Variants in WWOX observed in about 807,000 individuals in gnomAD.
The protein encoded by WWOX is WW domain-containing oxidoreductase.
WWOX carries 69 observed loss-of-function variants against 46.2 expected under a neutral mutation model. The ratio of observed to expected loss-of-function variants is 1.49; its 90% CI spans 1.23 to 1.82. WWOX has a LOEUF of 1.82. WWOX is among the 40% of genes most tolerant of loss of function. The pLI is 0.00. For synonymous variants in WWOX, 359 were observed against 202.6 expected (o/e 1.77, Z -6.56); for missense variants, 919 against 542.6 (o/e 1.69, Z -6.89).
intron 5 of WWOX, among the ~76,000 whole-genome samples, chr16:78,229,502 A>ATC (rs1341678875): frequency 9.4e-5 from 10 of 105,920 alleles, no homozygotes; most frequent in African/African-American, 2.9e-4. Context: ...ATATTTATCT[A>ATC]TATCTATATA....
At chr16:78,455,809 C>A in intron 8 of WWOX, among the ~76,000 whole-genome samples, 1 of 149,078 alleles carries the variant, frequency 6.7e-6, no homozygotes, top group East Asian at 2.0e-4. Flanking sequence ...AAAAAAAAGG[C>A]CACCAAGGAC....
intron 5 of WWOX, among the ~76,000 whole-genome samples, chr16:78,273,139 C>G (rs769566259): frequency 2.6e-5 from 4 of 152,168 alleles, no homozygotes; most frequent in Non-Finnish European, 5.9e-5. Flanking sequence ...CCTCCCAAAT[C>G]CTTCTCAAGT....
At chr16:78,803,825 A>T (rs1023355047) in intron 8 of WWOX, among the ~76,000 whole-genome samples, 28 of 152,122 alleles carry the variant, frequency 1.8e-4, no homozygotes, top group Non-Finnish European at 1.2e-4. Context: ...AGGAATTTTA[A>T]AAGAATTGAA....
At chr16:78,542,572 C>G (rs1015198010) in intron 8 of WWOX, among the ~76,000 whole-genome samples, 1 of 152,080 alleles carries the variant, frequency 6.6e-6, no homozygotes, top group Admixed American at 6.6e-5. Context: ...TGACCGTGTT[C>G]GCTGGAATTG....
intron 8 of WWOX, among the ~76,000 whole-genome samples, chr16:79,089,306 G>A (rs567727888): frequency 1.9e-4 from 28 of 149,628 alleles, no homozygotes; most frequent in Admixed American, 7.4e-4. Flanking sequence ...ATAAATTAGC[G>A]TCATCATGAA....
intron 8 of WWOX, among the ~76,000 whole-genome samples, chr16:78,628,231 A>T (rs368908622): frequency 2.0e-5 from 3 of 152,200 alleles, no homozygotes; most frequent in Non-Finnish European, 4.4e-5. Context: ...GGTTTGGCCA[A>T]CTAAGGAGTA....
At chr16:78,947,880 A>G (rs989288707) in intron 8 of WWOX, among the ~76,000 whole-genome samples, 3 of 152,244 alleles carry the variant, frequency 2.0e-5, no homozygotes, top group African/African-American at 7.2e-5. Context: ...TCCTTCCAAC[A>G]GGTTCAGGTT....
intron 5 of WWOX, among the ~76,000 whole-genome samples, chr16:78,184,197 C>G (rs921691254): frequency 1.3e-5 from 2 of 152,056 alleles, no homozygotes; most frequent in African/African-American, 4.8e-5. Context: ...AAAGCAGGAA[C>G]TGTCAGGGTC....
At position 79,068,650 on chromosome 16, in the gene WWOX, C is replaced by CA. The variant is rs944154860; in HGVS notation, c.1057-142947dup. ...CCCCCATCTCTACAAACAACAACAACAAAAAAAAAAATTAGCCAGGCGTGG... is the reference window on the plus strand; with the variant it reads ...CCCCCATCTCTACAAACAACAACAACAAAAAAAAAAAATTAGCCAGGCGTGG... On this transcript the variant is annotated intron_variant, in intron 8 of 8. Transcript: ENST00000566780. Among the ~76,000 whole-genome samples, 192 of 147,916 alleles carry CA rather than the reference C, an allele frequency of 1.3e-3. 1 individual carries two copies. The highest frequency in any genetic ancestry group is 3.5e-3 in the Middle Eastern group (1 of 284).
intron 8 of WWOX, among the ~76,000 whole-genome samples, chr16:78,663,781 G>A (rs576650591): frequency 6.6e-6 from 1 of 152,312 alleles, no homozygotes; most frequent in South Asian, 2.1e-4. Flanking sequence ...CACCCTGAAT[G>A]AAGAGAGCCA....
At chr16:78,328,960 G>A (rs1037597069) in intron 5 of WWOX, among the ~76,000 whole-genome samples, 1 of 151,916 alleles carries the variant, frequency 6.6e-6, no homozygotes, top group African/African-American at 2.4e-5. Flanking sequence ...CCCCTGGGTT[G>A]AAGCGATTCT....
intron 6 of WWOX, among the ~76,000 whole-genome samples, chr16:78,390,155 G>C (rs920734260): frequency 2.6e-5 from 4 of 152,200 alleles, no homozygotes; most frequent in South Asian, 2.1e-4. Context: ...TCTGCCTCTT[G>C]TTCTTTTCCT....
At chr16:78,961,097 G>A (rs2046262516) in intron 8 of WWOX, among the ~76,000 whole-genome samples, 1 of 152,118 alleles carries the variant, frequency 6.6e-6, no homozygotes, top group South Asian at 2.1e-4. Flanking sequence ...AGCTCATGGT[G>A]CAAGTTCCCC....
At chr16:79,110,140 C>T (rs906039879) in intron 8 of WWOX, among the ~76,000 whole-genome samples, 5 of 152,210 alleles carry the variant, frequency 3.3e-5, no homozygotes, top group Admixed American at 6.5e-5. Flanking sequence ...ACTCCTATGG[C>T]TGTTTGGGGG....
chr16:78,314,329 C>A (rs1433890734), intron 5 of WWOX, among the ~76,000 whole-genome samples: 1 of 149,084 alleles, frequency 6.7e-6, no homozygotes, highest in Non-Finnish European at 1.5e-5. Context: ...TGGTGTGAAC[C>A]CAGGACGCAG....
intron 8 of WWOX, among the ~76,000 whole-genome samples, chr16:78,601,329 A>G (rs2280064): frequency 0.022 from 3,298 of 152,176 alleles, 103 homozygotes; most frequent in East Asian, 0.13. Flanking sequence ...TTGGAGACAG[A>G]TTCTGGAGAG....
intron 8 of WWOX, among the ~76,000 whole-genome samples, chr16:78,640,875 G>A (rs1253042824): frequency 1.3e-5 from 2 of 150,192 alleles, no homozygotes; most frequent in African/African-American, 2.5e-5. Flanking sequence ...GGAAGCAGAG[G>A]TTGCAGTGAG....
At chr16:78,586,981 C>G (rs1473831850) in intron 8 of WWOX, among the ~76,000 whole-genome samples, 1 of 152,084 alleles carries the variant, frequency 6.6e-6, no homozygotes, top group African/African-American at 2.4e-5. Context: ...ATTTGAAAAC[C>G]TCTACTAATT....
chr16:79,133,146 C>T (rs1003729175), intron 8 of WWOX, among the ~76,000 whole-genome samples: 3 of 152,140 alleles, frequency 2.0e-5, no homozygotes, highest in Non-Finnish European at 4.4e-5. Flanking sequence ...GGTGTGTGCC[C>T]GAGTTTATTT....
Sources: allele counts gnomAD v4.1 joint callset (sites outside exome capture counted in the v4.1 genomes callset), GRCh38; gene constraint gnomAD v4.1.1; transcripts MANE v1.5; gene names NCBI Gene and HGNC (gene_info 2026-07-23, HGNC 2026-07-21).